ASIC2: variants seen among roughly 807,000 people sequenced by gnomAD.
The protein encoded by ASIC2 is acid-sensing ion channel 2.
In ASIC2, 25 loss-of-function variants were observed where a neutral mutation model predicts 57.3. The ratio of observed to expected loss-of-function variants is 0.44; its 90% CI spans 0.32 to 0.61. The LOEUF (loss-of-function observed/expected upper bound fraction) is 0.61. ASIC2 is among the 20% of genes least tolerant of loss of function. ASIC2 has a pLI of 0.06. For missense variants in ASIC2, 641 were observed against 738.1 expected (o/e 0.87, Z 1.52); for synonymous variants, 319 against 307.5 (o/e 1.04, Z -0.39).
intron 1 of ASIC2, among the ~76,000 whole-genome samples, chr17:33,724,555 G>C (rs1462287372): frequency 1.3e-5 from 2 of 152,208 alleles, no homozygotes; most frequent in African/African-American, 4.8e-5. Context: ...CTGTGTAAAT[G>C]CTGGAAGTGG....
At chr17:33,961,209 C>T (rs1007088121) in intron 1 of ASIC2, among the ~76,000 whole-genome samples, 5 of 152,232 alleles carry the variant, frequency 3.3e-5, no homozygotes, top group African/African-American at 1.2e-4. Flanking sequence ...TTTAAAGAGA[C>T]ACCCAAGCCC....
chr17:33,663,449 G>GT (rs56220894), intron 1 of ASIC2, among the ~76,000 whole-genome samples: 36,090 of 147,266 alleles, frequency 0.25, 5,249 homozygotes, highest in African/African-American at 0.42. Context: ...TAATGCCGTC[G>GT]TTTTTTTTTT....
At chr17:33,576,125 C>T (rs1472525351) in intron 1 of ASIC2, among the ~76,000 whole-genome samples, 1 of 152,316 alleles carries the variant, frequency 6.6e-6, no homozygotes, top group East Asian at 1.9e-4. Flanking sequence ...TAGAAGTCCG[C>T]CTAGACCAGA....
At chr17:34,091,153 T>A (rs74748559) in intron 1 of ASIC2, among the ~76,000 whole-genome samples, 1 of 152,238 alleles carries the variant, frequency 6.6e-6, no homozygotes, top group African/African-American at 2.4e-5. Context: ...ACCCCCTTGG[T>A]AACTAATCAT....
chr17:33,079,392 G>A (rs2092102895), intron 3 of ASIC2, among the ~76,000 whole-genome samples: 1 of 152,160 alleles, frequency 6.6e-6, no homozygotes. Context: ...GAGGGAGAAA[G>A]GAGAGAGTGT....
At chr17:33,069,725 C>T (rs1179621793) in intron 3 of ASIC2, among the ~76,000 whole-genome samples, 1 of 151,876 alleles carries the variant, frequency 6.6e-6, no homozygotes, top group Non-Finnish European at 1.5e-5. Context: ...CTATTTTTAC[C>T]TTTATATTTA....
At chr17:33,117,280 C>G (rs1011664581) in intron 1 of ASIC2, among the ~76,000 whole-genome samples, 1 of 152,072 alleles carries the variant, frequency 6.6e-6, no homozygotes, top group Non-Finnish European at 1.5e-5. Flanking sequence ...TCGAGCGATT[C>G]TCTTGCCTGA....
chr17:33,885,443 A>T (rs1184550581), intron 1 of ASIC2, among the ~76,000 whole-genome samples: 1 of 152,168 alleles, frequency 6.6e-6, no homozygotes, highest in East Asian at 1.9e-4. Flanking sequence ...TTATTATATT[A>T]CACATTACTA....
At chr17:33,709,369 A>G (rs1472882929) in intron 1 of ASIC2, among the ~76,000 whole-genome samples, 5 of 152,234 alleles carry the variant, frequency 3.3e-5, no homozygotes, top group Non-Finnish European at 7.3e-5. Flanking sequence ...TGTGTTAAAA[A>G]TCTTTAGATG....
chr17:33,533,747 A>G (rs1469346459), intron 1 of ASIC2: 2 of 152,232 alleles, frequency 1.3e-5, no homozygotes, highest in East Asian at 3.8e-4. Flanking sequence ...TGCGGAAGTC[A>G]TAGCCGGATG....
intron 1 of ASIC2, among the ~76,000 whole-genome samples, chr17:33,117,924 A>G (rs2141993759): frequency 6.6e-6 from 1 of 152,294 alleles, no homozygotes; most frequent in African/African-American, 2.4e-5. Flanking sequence ...ACACAATACC[A>G]AGCTCATCTT....
chr17:33,127,566 A>G (rs911962915), intron 1 of ASIC2, among the ~76,000 whole-genome samples: 2 of 152,180 alleles, frequency 1.3e-5, no homozygotes, highest in African/African-American at 4.8e-5. Context: ...CCCAAATTCA[A>G]CTGAAGTTTC....
At chr17:34,015,762 G>T (rs1233859955) in intron 1 of ASIC2, among the ~76,000 whole-genome samples, 1 of 152,218 alleles carries the variant, frequency 6.6e-6, no homozygotes, top group Admixed American at 6.5e-5. Flanking sequence ...CAACTCCTTT[G>T]GTCCTTGTGA....
At chr17:33,133,884 T>TGGAGGGCA (rs1176112950) in intron 1 of ASIC2, among the ~76,000 whole-genome samples, 1 of 152,080 alleles carries the variant, frequency 6.6e-6, no homozygotes, top group Non-Finnish European at 1.5e-5. Context: ...GGCTTAGCGG[T>TGGAGGGCA]GGAGGGCACA....
At chr17:33,692,039 TG>T (rs1188087379) in intron 1 of ASIC2, among the ~76,000 whole-genome samples, 1 of 152,212 alleles carries the variant, frequency 6.6e-6, no homozygotes, top group Admixed American at 6.5e-5. Context: ...GTTACTGTAC[TG>T]TATATTGCAG....
At chr17:33,911,460 C>A (rs988235859) in intron 1 of ASIC2, among the ~76,000 whole-genome samples, 2 of 152,180 alleles carry the variant, frequency 1.3e-5, no homozygotes, top group Admixed American at 6.5e-5. Context: ...TGAACTCTGA[C>A]TGTTACCCCA....
intron 1 of ASIC2, among the ~76,000 whole-genome samples, chr17:33,139,114 C>T (rs2092377701): frequency 6.6e-6 from 1 of 152,202 alleles, no homozygotes; most frequent in Admixed American, 6.5e-5. Context: ...TTTTGACTGT[C>T]AGAGTCTCCT....
intron 1 of ASIC2, among the ~76,000 whole-genome samples, chr17:33,708,279 C>T (rs969235210): frequency 2.0e-5 from 3 of 152,242 alleles, no homozygotes; most frequent in South Asian, 4.1e-4. Flanking sequence ...GTTTTACCCA[C>T]CCAGCAACCT....
At chr17:33,422,857 C>T (rs1390016431) in intron 1 of ASIC2, among the ~76,000 whole-genome samples, 1 of 152,086 alleles carries the variant, frequency 6.6e-6, no homozygotes, top group Admixed American at 6.5e-5. Context: ...AGTTGGTATA[C>T]CCGGGTGATG....
Sources: gnomAD v4.1 joint callset for allele counts (sites outside exome capture counted in the v4.1 genomes callset) on GRCh38, gnomAD v4.1.1 for gene constraint, MANE v1.5 for transcripts, NCBI Gene and HGNC (gene_info 2026-07-23, HGNC 2026-07-21) for gene names.